Variants in EXOC4 observed in about 807,000 individuals in gnomAD.
EXOC4 encodes exocyst complex component 4, also known as SEC8-like 1.
A neutral mutation model predicts 107.2 loss-of-function variants in EXOC4; 71 were observed. The ratio of observed to expected loss-of-function variants is 0.66; its 90% confidence interval spans 0.55 to 0.81. The LOEUF is 0.81. EXOC4 is among the 30% of genes least tolerant of loss of function. The pLI is 0.00. For missense variants in EXOC4, 1,108 were observed against 1,189.6 expected, an observed-to-expected ratio of 0.93 and a Z score of 1.01; for synonymous variants, 456 against 441.2, an observed-to-expected ratio of 1.03 and a Z score of -0.42.
rs1455987293 is a variant in EXOC4 at position 133,918,349 on chromosome 7, C to G, written c.2027+611C>G. Among the ~76,000 whole-genome samples, 2 of 152,164 alleles carry G rather than the reference C, an allele frequency of 1.3e-5. 1 individual carries two copies. The highest frequency in any genetic ancestry group is 2.9e-5 in the Non-Finnish European group (2 of 68,022). Reference sequence around the variant, plus strand: ...AAAATAGAATTCAGTGATTCATTCACTCAGCAAAGTTGTTTGTAGCCCCCA... The same window carrying G: ...AAAATAGAATTCAGTGATTCATTCAGTCAGCAAAGTTGTTTGTAGCCCCCA... On this transcript the variant is annotated intron_variant, in intron 13 of 17. Coordinates refer to ENST00000253861, the MANE Select transcript of EXOC4 (RefSeq NM_021807.4).
chr7:133,767,231 A>C (rs1035436567), intron 10 of EXOC4, among the ~76,000 whole-genome samples: 1 of 151,848 alleles, frequency 6.6e-6, no homozygotes, highest in African/African-American at 2.4e-5. Context: ...TTTCTATCAC[A>C]AGAGCTGGAT....
chr7:133,922,567 C>T (rs950954240), intron 13 of EXOC4, among the ~76,000 whole-genome samples: 8 of 152,098 alleles, frequency 5.3e-5, no homozygotes, highest in African/African-American at 1.9e-4. Context: ...TTATACATGG[C>T]CGGGCGCGGT....
intron 13 of EXOC4, among the ~76,000 whole-genome samples, chr7:133,937,109 A>C (rs963101698): frequency 1.7e-4 from 26 of 152,182 alleles, no homozygotes; most frequent in Non-Finnish European, 1.5e-5. Flanking sequence ...TCATCTCTGC[A>C]GTGGCTGAGC....
intron 10 of EXOC4, among the ~76,000 whole-genome samples, chr7:133,672,124 G>T (rs534139018): frequency 1.3e-5 from 2 of 152,260 alleles, no homozygotes; most frequent in African/African-American, 4.8e-5. Flanking sequence ...AGGCGTGGTG[G>T]CTCACGCCTG....
chr7:134,064,606 C>A lies in EXOC4; in HGVS notation c.*78C>A. 1 of 962,496 alleles carries A rather than the reference C, an allele frequency of 1.0e-6. No homozygotes were observed. The highest frequency in any genetic ancestry group is 1.5e-6 in the Non-Finnish European group (1 of 653,564). The allele number at this position is 962,496 out of a possible 1,614,324, so 59.6% of individuals were successfully genotyped here. A position where few individuals can be genotyped will look rare whatever the true frequency, so the allele number is the denominator to read the frequency against. On this transcript the variant is annotated 3_prime_UTR_variant, in exon 18 of 18. Transcript: ENST00000253861. Reference sequence around the variant, plus strand: ...TCCTTGGTATGTTATTGAGTATATTCTGAGCTTAGTTTTCTCTACAGTGAT... The same window carrying A: ...TCCTTGGTATGTTATTGAGTATATTATGAGCTTAGTTTTCTCTACAGTGAT...
chr7:133,859,892 G>T (rs1771743959), intron 11 of EXOC4, among the ~76,000 whole-genome samples: 1 of 152,124 alleles, frequency 6.6e-6, no homozygotes, highest in South Asian at 2.1e-4. Flanking sequence ...TGTTTGGTAT[G>T]CCCAAGCTCT....
chr7:133,714,978 T>A (rs545665189), intron 10 of EXOC4, among the ~76,000 whole-genome samples: 51 of 152,312 alleles, frequency 3.3e-4, no homozygotes, highest in African/African-American at 1.2e-3. Flanking sequence ...CCAGCTCTTC[T>A]TATGGTTCTA....
At chr7:133,740,954 C>A (rs915472763) in intron 10 of EXOC4, among the ~76,000 whole-genome samples, 11 of 152,124 alleles carry the variant, frequency 7.2e-5, no homozygotes, top group African/African-American at 2.4e-4. Flanking sequence ...ACAGTGAGAC[C>A]CTATTTGCCA....
intron 5 of EXOC4, among the ~76,000 whole-genome samples, chr7:133,330,182 C>G (rs1795347859): frequency 6.6e-6 from 1 of 152,134 alleles, no homozygotes; most frequent in Non-Finnish European, 1.5e-5. Context: ...GTGGTGCACT[C>G]TGCCCAGTTG....
chr7:133,512,265 A>G (rs945065358), intron 9 of EXOC4, among the ~76,000 whole-genome samples: 5 of 152,236 alleles, frequency 3.3e-5, no homozygotes, highest in Non-Finnish European at 7.4e-5. Context: ...CCCCGTCTCT[A>G]CAAAGAATAC....
chr7:133,837,127 A>G (rs1189408957), intron 11 of EXOC4, among the ~76,000 whole-genome samples: 1 of 152,210 alleles, frequency 6.6e-6, no homozygotes, highest in East Asian at 1.9e-4. Flanking sequence ...AATGGAAAAA[A>G]CTTTGGCCTG....
At chr7:133,801,026 C>T (rs1174778453) in intron 10 of EXOC4, among the ~76,000 whole-genome samples, 3 of 152,070 alleles carry the variant, frequency 2.0e-5, no homozygotes, top group South Asian at 2.1e-4. Context: ...ATCTTTGGTC[C>T]GACCTTATGA....
chr7:133,749,493 A>G (rs1795745366), intron 10 of EXOC4, among the ~76,000 whole-genome samples: 1 of 152,066 alleles, frequency 6.6e-6, no homozygotes, highest in Non-Finnish European at 1.5e-5. Context: ...CCCAGGTTCA[A>G]GTGATTCTCA....
chr7:133,988,047 A>G (rs935806326), intron 14 of EXOC4, among the ~76,000 whole-genome samples: 1 of 152,224 alleles, frequency 6.6e-6, no homozygotes, highest in South Asian at 2.1e-4. Flanking sequence ...GACAGTTTGT[A>G]TGTTGACTTT....
chr7:133,617,614 CT>C (rs1802224854), intron 9 of EXOC4, among the ~76,000 whole-genome samples: 1 of 152,112 alleles, frequency 6.6e-6, no homozygotes, highest in Non-Finnish European at 1.5e-5. Context: ...CCTGTGCAAC[CT>C]GGGGAGTCTG....
chr7:133,868,156 A>C (rs904855560), intron 11 of EXOC4, among the ~76,000 whole-genome samples: 1 of 152,144 alleles, frequency 6.6e-6, no homozygotes, highest in African/African-American at 2.4e-5. Context: ...TATTCTTCTC[A>C]TCTTACCTCT....
chr7:133,482,958 C>T (rs1356055845), intron 9 of EXOC4, among the ~76,000 whole-genome samples: 1 of 152,050 alleles, frequency 6.6e-6, no homozygotes, highest in East Asian at 1.9e-4. Flanking sequence ...CTCTCTCAGC[C>T]TGTCACAAAT....
rs77025608 is a variant in EXOC4 at position 133,618,608 on chromosome 7, T to A, written c.1418-11437T>A. 4.5e-4 allele frequency among the ~76,000 whole-genome samples: 68 copies of A among 152,320 alleles called. 1 individual carries two copies. The East Asian group carries it at 0.012, about 26-fold the overall frequency. On this transcript the variant is annotated intron_variant, in intron 9 of 17. Coordinates refer to ENST00000253861, the MANE Select transcript of EXOC4 (RefSeq NM_021807.4). ...GGTGGTCGACATTGAATTTACTGAATTCAGTGAAGGACGGAGGTCAGTACT... is the reference window on the plus strand; with the variant it reads ...GGTGGTCGACATTGAATTTACTGAAATCAGTGAAGGACGGAGGTCAGTACT...
intron 11 of EXOC4, among the ~76,000 whole-genome samples, chr7:133,887,437 CTT>C (rs1799110630): frequency 6.6e-6 from 1 of 152,142 alleles, no homozygotes; most frequent in Admixed American, 6.5e-5. Context: ...GCTGATCCCT[CTT>C]GAGAGGCTGA....
Sources: allele counts gnomAD v4.1 joint callset (sites outside exome capture counted in the v4.1 genomes callset), GRCh38; gene constraint gnomAD v4.1.1; transcripts MANE v1.5; gene names NCBI Gene and HGNC (gene_info 2026-07-23, HGNC 2026-07-21).